The following CHLSN variants were observed in gnomAD, a reference collection of about 807,000 sequenced individuals.
CHLSN encodes protein cholesin.
the CHLSN span, among the ~76,000 whole-genome samples, chr7:1,015,380 G>C: frequency 6.6e-6 from 1 of 152,236 alleles, no homozygotes; most frequent in African/African-American, 2.4e-5. Flanking sequence ...GAATGTGCAA[G>C]TCCCTGTCTC....
At chr7:1,055,173 G>A in the CHLSN span, 1,222 of 463,508 alleles carry the variant, frequency 2.6e-3, 26 homozygotes, top group South Asian at 0.018. Context: ...GTGCGGTCCC[G>A]TCCAAGCACG....
chr7:1,066,150 T>C, the CHLSN span, among the ~76,000 whole-genome samples: 6 of 152,342 alleles, frequency 3.9e-5, no homozygotes, highest in South Asian at 1.0e-3. Context: ...GCGCCGGTTC[T>C]GTTCCTGGAC....
the CHLSN span, among the ~76,000 whole-genome samples, chr7:1,088,760 T>G: frequency 3.3e-5 from 5 of 152,098 alleles, no homozygotes; most frequent in South Asian, 6.2e-4. This position sits in a 1 kb window ranked among gnomAD's most constrained non-coding sequence, Gnocchi z 4.5. Context: ...TATTTCTCTA[T>G]GACAAGCAGA....
the CHLSN span, among the ~76,000 whole-genome samples, chr7:1,038,568 G>A: frequency 4.7e-5 from 5 of 106,380 alleles, no homozygotes; most frequent in African/African-American, 1.5e-4. Context: ...CGCCCCGTCC[G>A]GGAGGTGAGG....
At chr7:1,066,293 G>A in the CHLSN span, among the ~76,000 whole-genome samples, 11 of 152,342 alleles carry the variant, frequency 7.2e-5, no homozygotes, top group East Asian at 1.7e-3. Flanking sequence ...AGGTGTCTGC[G>A]CATCCGGCGG....
the CHLSN span, among the ~76,000 whole-genome samples, chr7:1,016,782 ACAGCACACAG>A: frequency 1.9e-3 from 120 of 63,542 alleles, 10 homozygotes; most frequent in South Asian, 0.012. Flanking sequence ...ACAGCAGCGC[ACAGCACACAG>A]CAGCACACAG....
At chr7:1,029,006 A>C in the CHLSN span, 1 of 162,388 alleles carries the variant, frequency 6.2e-6, no homozygotes, top group Admixed American at 6.6e-5. Flanking sequence ...GGAGGTGCTC[A>C]ATACCGGCTG....
chr7:1,008,746 ACATAAACACACACGTG>A, the CHLSN span, among the ~76,000 whole-genome samples: 1 of 152,128 alleles, frequency 6.6e-6, no homozygotes, highest in African/African-American at 2.4e-5. Flanking sequence ...ACATGTCCAC[ACATAAACACACACGTG>A]CATAAACACA....
the CHLSN span, among the ~76,000 whole-genome samples, chr7:1,071,908 G>A: frequency 6.6e-6 from 1 of 152,214 alleles, no homozygotes; most frequent in East Asian, 1.9e-4. Context: ...GCACCCCCAG[G>A]CCCAGGCCGC....
the CHLSN span, among the ~76,000 whole-genome samples, chr7:999,759 G>A: frequency 5.9e-5 from 9 of 152,198 alleles, no homozygotes; most frequent in East Asian, 1.9e-4. Context: ...CTCTAGTAAC[G>A]TGGGCGCAGG....
the CHLSN span, among the ~76,000 whole-genome samples, chr7:1,113,485 C>T: frequency 6.6e-6 from 1 of 152,128 alleles, no homozygotes; most frequent in African/African-American, 2.4e-5. Flanking sequence ...TTGCTTCGAC[C>T]GTCCACACTG....
chr7:1,057,774 C>A, the CHLSN span: 2 of 775,660 alleles, frequency 2.6e-6, no homozygotes, highest in Non-Finnish European at 4.8e-6. Context: ...CCTGCTCGGC[C>A]CCCCGAGCTC....
chr7:1,033,674 C>T, the CHLSN span, among the ~76,000 whole-genome samples: 3 of 152,122 alleles, frequency 2.0e-5, no homozygotes, highest in Admixed American at 6.5e-5. Flanking sequence ...AAGACCCACG[C>T]GTGGTAAACA....
chr7:980,909 G>T, the CHLSN span, among the ~76,000 whole-genome samples: 1 of 151,656 alleles, frequency 6.6e-6, no homozygotes, highest in Non-Finnish European at 1.5e-5. Flanking sequence ...GGATGGTCTC[G>T]ATCTCCATCT....
the CHLSN span, among the ~76,000 whole-genome samples, chr7:1,032,009 C>A: frequency 6.6e-6 from 1 of 152,144 alleles, no homozygotes; most frequent in Non-Finnish European, 1.5e-5. Flanking sequence ...CCTTCGAAAC[C>A]TGGGCCCAGG....
At chr7:1,010,833 A>G in the CHLSN span, among the ~76,000 whole-genome samples, 1 of 152,188 alleles carries the variant, frequency 6.6e-6, no homozygotes, top group Non-Finnish European at 1.5e-5. Flanking sequence ...AGGTGACCCC[A>G]GCCGCTGTCC....
the CHLSN span, among the ~76,000 whole-genome samples, chr7:1,040,694 A>AC: frequency 6.6e-6 from 1 of 151,266 alleles, no homozygotes. Flanking sequence ...AAAGAACAAA[A>AC]AAAAAAAAAA....
chr7:1,038,510 G>A, the CHLSN span, among the ~76,000 whole-genome samples: 31 of 104,856 alleles, frequency 3.0e-4, no homozygotes, highest in African/African-American at 1.1e-3. Flanking sequence ...CTGGCCAGCC[G>A]CCCCGTCCGG....
At chr7:1,042,483 G>A in the CHLSN span, among the ~76,000 whole-genome samples, 1 of 152,176 alleles carries the variant, frequency 6.6e-6, no homozygotes. Flanking sequence ...TGCAGCCTCT[G>A]GAGAGTGTTT....
Sources: allele counts gnomAD v4.1 joint callset (sites outside exome capture counted in the v4.1 genomes callset), GRCh38; gene constraint gnomAD v4.1.1; non-coding constraint Gnocchi (gnomAD v3.1); transcripts MANE v1.5; gene names NCBI Gene and HGNC (gene_info 2026-07-23, HGNC 2026-07-21).